MDGA2: variants seen among roughly 807,000 people sequenced by gnomAD.
The protein encoded by MDGA2 is MAM domain containing glycosylphosphatidylinositol anchor 2, also known as MAM domain-containing glycosylphosphatidylinositol anchor protein 2.
Under a neutral mutation model 117.8 loss-of-function variants are expected in MDGA2, and 40 were observed. The observed-to-expected ratio is 0.34, with a 90% CI of 0.26 to 0.44. The LOEUF (loss-of-function observed/expected upper bound fraction) is 0.44. Ranked by LOEUF, MDGA2 falls within the 20% of genes least tolerant of loss-of-function variation. The pLI is 1.00. For missense variants in MDGA2, 1,123 were observed against 1,250.6 expected, an observed-to-expected ratio of 0.90 and a Z score of 1.54; for synonymous variants, 452 against 439.0, an observed-to-expected ratio of 1.03 and a Z score of -0.37.
chr14:47,383,771 C>G (rs527541527), intron 1 of MDGA2, among the ~76,000 whole-genome samples: 1 of 152,100 alleles, frequency 6.6e-6, no homozygotes, highest in Non-Finnish European at 1.5e-5. Flanking sequence ...GTGATCCACA[C>G]GCCTCAGCCT....
chr14:47,648,513 C>A (rs1404117036), intron 1 of MDGA2, among the ~76,000 whole-genome samples: 2 of 151,922 alleles, frequency 1.3e-5, no homozygotes, highest in African/African-American at 4.8e-5. Context: ...ATGATTTGCT[C>A]AAAGAACGAT....
At chr14:47,358,637 C>A (rs529929635) in intron 1 of MDGA2, among the ~76,000 whole-genome samples, 2 of 152,168 alleles carry the variant, frequency 1.3e-5, no homozygotes, top group South Asian at 2.1e-4. Flanking sequence ...AATCAACATA[C>A]AAAAATCAGT....
At chr14:47,631,838 C>T (rs1368792547) in intron 1 of MDGA2, among the ~76,000 whole-genome samples, 1 of 152,100 alleles carries the variant, frequency 6.6e-6, no homozygotes, top group African/African-American at 2.4e-5. Context: ...GTCCAACCCA[C>T]ACCCTGCAGG....
chr14:47,079,888 C>T (rs1027008195), intron 6 of MDGA2, among the ~76,000 whole-genome samples: 11 of 151,784 alleles, frequency 7.2e-5, no homozygotes, highest in African/African-American at 1.9e-4. Context: ...CCCGCCACCA[C>T]GCCCGGCTAA....
intron 2 of MDGA2, among the ~76,000 whole-genome samples, chr14:47,238,142 A>G (rs1367354981): frequency 6.6e-6 from 1 of 152,104 alleles, no homozygotes; most frequent in Non-Finnish European, 1.5e-5. Flanking sequence ...CCTAAATGTC[A>G]TTTCATTGGA....
At chr14:47,370,468 GTTTTTTTTTTTTTTT>G (rs67255552) in intron 1 of MDGA2, among the ~76,000 whole-genome samples, 26 of 20,682 alleles carry the variant, frequency 1.3e-3, no homozygotes, top group Non-Finnish European at 3.0e-4. Context: ...TCTACTTACT[GTTTTTTTTTTTTTTT>G]TTTTTTTTTT....
At chr14:47,053,839 A>C (rs111759556) in intron 7 of MDGA2, among the ~76,000 whole-genome samples, 1 of 151,804 alleles carries the variant, frequency 6.6e-6, no homozygotes, top group Non-Finnish European at 1.5e-5. Flanking sequence ...TTCTCTCTGC[A>C]GTTCAGTAGC....
intron 1 of MDGA2, among the ~76,000 whole-genome samples, chr14:47,413,298 A>G (rs1892410036): frequency 6.6e-6 from 1 of 152,188 alleles, no homozygotes; most frequent in Non-Finnish European, 1.5e-5. Flanking sequence ...TGAAGTTAAG[A>G]GCATGTCCTT....
intron 2 of MDGA2, among the ~76,000 whole-genome samples, chr14:47,281,066 TTAATA>T (rs1408365228): frequency 6.1e-5 from 9 of 148,146 alleles, no homozygotes; most frequent in Non-Finnish European, 1.0e-4. Context: ...CTGTGTTCAA[TTAATA>T]TAATATAAAA....
In MDGA2 at chr14:47,605,109, T is replaced by C. The variant is rs574957612; in HGVS notation, c.280+69408A>G. On this transcript the variant is annotated intron_variant, in intron 1 of 16. Transcript: ENST00000399232. ...CTCTCTTTTCCCCCATAGTTTAAAA[T>C]GCCCTGTGCTACCAATGCTACAGAC... Among the ~76,000 whole-genome samples, 38 of 152,240 alleles carry C rather than the reference T, an allele frequency of 2.5e-4. 1 individual carries two copies. In the South Asian group the frequency reaches 4.3e-3, roughly 17 times the overall value.
chr14:47,674,231 C>T (rs1415562416), intron 1 of MDGA2, among the ~76,000 whole-genome samples: 2 of 152,156 alleles, frequency 1.3e-5, no homozygotes, highest in South Asian at 2.1e-4. Flanking sequence ...TGCTGGAGCT[C>T]GGATTCCCCG....
intron 1 of MDGA2, among the ~76,000 whole-genome samples, chr14:47,622,108 G>T (rs886854368): frequency 6.6e-6 from 1 of 152,114 alleles, no homozygotes; most frequent in South Asian, 2.1e-4. Context: ...ACAAAACTAT[G>T]TGTTTTATAA....
rs114654438 is a variant in MDGA2 at position 46,978,141 on chromosome 14, A to G, written c.1820-20498T>C. Among the ~76,000 whole-genome samples, 522 of 152,098 alleles carry G rather than the reference A, an allele frequency of 3.4e-3. 4 individuals are homozygous for G. The highest frequency in any genetic ancestry group is 0.012 in the African/African-American group (491 of 41,552). On this transcript the variant is annotated intron_variant, in intron 8 of 16. Coordinates refer to ENST00000399232, the MANE Select transcript of MDGA2 (RefSeq NM_001113498.3). ...CAAACAAAACAAAACAAAGCAAGAA[A>G]ATAAAACTAAAATGATTATAATTCC...
intron 2 of MDGA2, among the ~76,000 whole-genome samples, chr14:47,228,634 T>C (rs1030943352): frequency 6.6e-6 from 1 of 152,138 alleles, no homozygotes; most frequent in African/African-American, 2.4e-5. Flanking sequence ...CTGCTTACAA[T>C]GGGTTTATTG....
intron 9 of MDGA2, among the ~76,000 whole-genome samples, chr14:46,952,317 GA>G (rs1885398360): frequency 1.3e-5 from 2 of 151,856 alleles, no homozygotes; most frequent in Non-Finnish European, 1.5e-5. Flanking sequence ...AGGAAATGTG[GA>G]ATTAATAGCT....
intron 7 of MDGA2, among the ~76,000 whole-genome samples, chr14:47,053,159 T>TA (rs1441103977): frequency 2.0e-5 from 3 of 151,966 alleles, no homozygotes; most frequent in Non-Finnish European, 2.9e-5. Context: ...TTAGAGAGCT[T>TA]ATTTTCCTTG....
intron 4 of MDGA2, among the ~76,000 whole-genome samples, chr14:47,134,571 C>G (rs1242190956): frequency 6.6e-6 from 1 of 150,764 alleles, no homozygotes; most frequent in Admixed American, 6.6e-5. Context: ...ATTATCAGGA[C>G]AAAACTCAAG....
At chr14:47,533,075 G>T (rs1895133215) in intron 1 of MDGA2, among the ~76,000 whole-genome samples, 2 of 152,104 alleles carry the variant, frequency 1.3e-5, no homozygotes, top group South Asian at 2.1e-4. Flanking sequence ...TTTATTTCTT[G>T]TCCTGATTTA....
intron 6 of MDGA2, among the ~76,000 whole-genome samples, chr14:47,094,437 T>C (rs1879847534): frequency 6.6e-6 from 1 of 152,054 alleles, no homozygotes; most frequent in Non-Finnish European, 1.5e-5. Flanking sequence ...CACATATTTG[T>C]TGTTCACTGG....
Sources: gnomAD v4.1 joint callset for allele counts (sites outside exome capture counted in the v4.1 genomes callset) on GRCh38, gnomAD v4.1.1 for gene constraint, MANE v1.5 for transcripts, NCBI Gene and HGNC (gene_info 2026-07-23, HGNC 2026-07-21) for gene names.